Variants in PRKCH observed in about 807,000 individuals in gnomAD.
PRKCH encodes protein kinase C eta, also known as protein kinase C eta type.
Under a neutral mutation model 82.5 loss-of-function variants are expected in PRKCH, and 28 were observed. The observed-to-expected ratio is 0.34, with a 90% CI of 0.25 to 0.47. PRKCH has a LOEUF of 0.47. Ranked by LOEUF, PRKCH falls within the 20% of genes least tolerant of loss-of-function variation. The pLI, the probability that PRKCH is intolerant of heterozygous loss-of-function variation, is 1.00. For missense variants in PRKCH, 705 were observed against 881.8 expected, an observed-to-expected ratio of 0.80 and a Z score of 2.54; for synonymous variants, 322 against 327.4, an observed-to-expected ratio of 0.98 and a Z score of 0.18.
chr14:61,502,874 G>A (rs1886980811), intron 10 of PRKCH, among the ~76,000 whole-genome samples: 1 of 152,092 alleles, frequency 6.6e-6, no homozygotes, highest in African/African-American at 2.4e-5. Flanking sequence ...ATGGGGCCGA[G>A]CAGCAGAGGA....
chr14:61,229,805 G>A (rs2044726633), intron 1 of PRKCH, among the ~76,000 whole-genome samples: 1 of 152,156 alleles, frequency 6.6e-6, no homozygotes. Context: ...TCCAGGGGGA[G>A]AACAGGTCTG....
At chr14:61,323,459 C>G (rs2045657204) in intron 1 of PRKCH, among the ~76,000 whole-genome samples, 1 of 152,190 alleles carries the variant, frequency 6.6e-6, no homozygotes, top group Admixed American at 6.5e-5. Context: ...TTTGAAGACT[C>G]TCAGGAGTTT....
At chr14:61,380,177 A>G (rs926695914) in intron 1 of PRKCH, among the ~76,000 whole-genome samples, 3 of 151,336 alleles carry the variant, frequency 2.0e-5, no homozygotes, top group Admixed American at 6.6e-5. Context: ...TCCCACCTCA[A>G]CCTCCCAAGC....
intron 2 of PRKCH, among the ~76,000 whole-genome samples, chr14:61,437,846 C>T (rs1883749913): frequency 6.6e-6 from 1 of 151,974 alleles, no homozygotes; most frequent in Non-Finnish European, 1.5e-5. Context: ...CCTGTAATCC[C>T]AGCAGTTTGG....
chr14:61,196,584 A>G lies in PRKCH; in HGVS notation c.-19+8916A>G, dbSNP rs112263281. On this transcript the variant is annotated intron_variant, in intron 1 of 3. Transcript: ENST00000555185. ...AAAAGTAATTTTAGTTGACAGGACT[A>G]TAAAAGTTAGTGCTGCTAAATGACT... Among the ~76,000 whole-genome samples, 587 of 152,344 alleles carry G rather than the reference A, an allele frequency of 3.9e-3. 4 individuals are homozygous for G. Among genetic ancestry groups the G allele is most frequent in the African/African-American group, 0.013 (554 of 41,580 alleles).
At chr14:61,505,390 CTTTTCTTTTTTTTTTTT>C (rs1451925420) in intron 10 of PRKCH, among the ~76,000 whole-genome samples, 5 of 74,752 alleles carry the variant, frequency 6.7e-5, no homozygotes, top group African/African-American at 9.7e-5. Context: ...CTTTTCTTTT[CTTTTCTTTTTTTTTTTT>C]TTTTTTTTTT....
chr14:61,507,322 G>A lies in PRKCH; in HGVS notation c.1433+21666G>A, dbSNP rs553466719. On this transcript the variant is annotated intron_variant, in intron 10 of 13. Transcript: ENST00000332981. ...GGGTGTGGAGAAAAGGGAACCCTAT[G>A]CACTGTTGGTGGAAATGTAAATTGG... is the stretch of plus-strand genomic sequence containing the variant. Among the ~76,000 whole-genome samples, 15 of 152,244 alleles carry A rather than the reference G, an allele frequency of 9.9e-5. No homozygotes were observed. The South Asian group carries it at 3.1e-3, about 32-fold the overall frequency.
intron 1 of PRKCH, among the ~76,000 whole-genome samples, chr14:61,208,866 T>C (rs2044547539): frequency 6.6e-6 from 1 of 152,172 alleles, no homozygotes; most frequent in African/African-American, 2.4e-5. Flanking sequence ...TATGATGGTA[T>C]TTGTAGTTGT....
chr14:61,231,360 G>A (rs948565711), intron 1 of PRKCH, among the ~76,000 whole-genome samples: 1 of 101,770 alleles, frequency 9.8e-6, no homozygotes, highest in African/African-American at 3.5e-5. Context: ...TAATCCAGAT[G>A]AATTTTTTTT....
intron 1 of PRKCH, among the ~76,000 whole-genome samples, chr14:61,348,744 C>A (rs2046030499): frequency 6.6e-6 from 1 of 152,234 alleles, no homozygotes; most frequent in Non-Finnish European, 1.5e-5. Flanking sequence ...GTTAAGGTCT[C>A]CCTCCATCTT....
chr14:61,291,767 C>T (rs942307370), intron 1 of PRKCH, among the ~76,000 whole-genome samples: 1 of 152,136 alleles, frequency 6.6e-6, no homozygotes, highest in Non-Finnish European at 1.5e-5. Context: ...TACTCTTGAC[C>T]TTGAAACGCG....
At chr14:61,296,332 C>T (rs1390193014) in intron 1 of PRKCH, among the ~76,000 whole-genome samples, 6 of 152,076 alleles carry the variant, frequency 3.9e-5, no homozygotes, top group South Asian at 2.1e-4. Flanking sequence ...GGCAGCTCCT[C>T]GGGGGATCGG....
intron 10 of PRKCH, among the ~76,000 whole-genome samples, chr14:61,505,558 A>C (rs1887113636): frequency 1.3e-5 from 2 of 151,166 alleles, no homozygotes; most frequent in Non-Finnish European, 3.0e-5. Context: ...TATTTTTAGT[A>C]GAGATGGGGT....
At position 61,263,847 on chromosome 14, in the gene PRKCH, T is replaced by TTGTGTGTGTGTG. The variant is rs56280986; in HGVS notation, c.-19+76217_-19+76228dup. ...AGGAAAAGCATCTGAAGTCAGAGTA[T>TTGTGTGTGTGTG]TGTGTGTGTGTGTGTGTGTGTGTGT... On this transcript the variant is annotated intron_variant, in intron 1 of 3. Transcript: ENST00000555185. Among the ~76,000 whole-genome samples, 1,190 of 144,202 alleles carry TTGTGTGTGTGTG rather than the reference T, an allele frequency of 8.3e-3. 11 individuals are homozygous for TTGTGTGTGTGTG. Among genetic ancestry groups the TTGTGTGTGTGTG allele is most frequent in the Non-Finnish European group, 0.011 (751 of 66,408 alleles). 94.6% of individuals were successfully genotyped at this position (144,202 alleles called of 152,430 possible).
intron 1 of PRKCH, among the ~76,000 whole-genome samples, chr14:61,297,975 GAGCT>G (rs2045417989): frequency 6.6e-6 from 1 of 152,176 alleles, no homozygotes; most frequent in Non-Finnish European, 1.5e-5. Context: ...TCAATCCCAG[GAGCT>G]AGCTTTTTTA....
At chr14:61,334,819 A>G (rs1320524244) in intron 1 of PRKCH, among the ~76,000 whole-genome samples, 1 of 152,122 alleles carries the variant, frequency 6.6e-6, no homozygotes, top group African/African-American at 2.4e-5. Flanking sequence ...CCAGCACAAG[A>G]TAGGCACTGG....
At chr14:61,387,201 G>A (rs966310485) in intron 1 of PRKCH, among the ~76,000 whole-genome samples, 10 of 152,372 alleles carry the variant, frequency 6.6e-5, no homozygotes, top group African/African-American at 2.4e-4. Context: ...ACCTGAACCA[G>A]TAGATGCTGA....
intron 9 of PRKCH, among the ~76,000 whole-genome samples, chr14:61,466,185 A>AT (rs1443619317): frequency 1.3e-5 from 2 of 152,042 alleles, no homozygotes; most frequent in African/African-American, 4.8e-5. Flanking sequence ...ATTATGAAGG[A>AT]TTTTTTTCCT....
intron 2 of PRKCH, among the ~76,000 whole-genome samples, chr14:61,429,231 G>A (rs150964715): frequency 6.6e-6 from 1 of 152,276 alleles, no homozygotes; most frequent in African/African-American, 2.4e-5. Flanking sequence ...AAGTAGACTG[G>A]AAGACCAGAA....
Sources: allele counts gnomAD v4.1 joint callset (sites outside exome capture counted in the v4.1 genomes callset), GRCh38; gene constraint gnomAD v4.1.1; transcripts MANE v1.5; gene names NCBI Gene and HGNC (gene_info 2026-07-23, HGNC 2026-07-21).